The following ACTR3B variants were observed in gnomAD, a reference collection of about 807,000 sequenced individuals.
ACTR3B encodes actin-related protein 3B.
A neutral mutation model predicts 59.0 loss-of-function variants in ACTR3B; 8 were observed. That is an observed-to-expected ratio of 0.14 (90% confidence interval 0.08 to 0.24). ACTR3B has a LOEUF of 0.24. Among genes scored for constraint, ACTR3B ranks in the 10% least tolerant of loss-of-function variants. The probability of loss-of-function intolerance (pLI) is 1.00; values close to 1 mark genes in which losing one functional copy is unlikely to be tolerated. For synonymous variants in ACTR3B, 148 were observed against 197.9 expected, an observed-to-expected ratio of 0.75 and a Z score of 2.12; for missense variants, 245 against 552.3, an observed-to-expected ratio of 0.44 and a Z score of 5.58.
intron 6 of ACTR3B, among the ~76,000 whole-genome samples, chr7:152,819,522 A>C (rs1267770855): frequency 1.3e-5 from 2 of 152,120 alleles, no homozygotes. Flanking sequence ...GTCTGTGCCC[A>C]CAGGAAGGCT....
rs184804947 is a variant in ACTR3B at position 152,788,914 on chromosome 7, T to C, written c.100+5672T>C. ...GGCTCACACCTGTAATCCCAGCTAC[T>C]TGGAAGGCTGAGGCATGAGAATTGC... On this transcript the variant is annotated intron_variant, in intron 2 of 11. Coordinates refer to ENST00000256001, the MANE Select transcript of ACTR3B (RefSeq NM_020445.6). 5.7e-3 allele frequency among the ~76,000 whole-genome samples: 874 copies of C among 152,304 alleles called. 2 individuals carry two copies. The highest frequency in any genetic ancestry group is 8.7e-3 in the Non-Finnish European group (594 of 68,024).
chr7:152,836,728 G>C (rs1295052541), intron 9 of ACTR3B, among the ~76,000 whole-genome samples: 1 of 152,214 alleles, frequency 6.6e-6, no homozygotes, highest in Admixed American at 6.5e-5. Context: ...TCGCTGATGA[G>C]AGCTTTCTTT....
chr7:152,822,931 C>T (rs1796290269), intron 7 of ACTR3B, among the ~76,000 whole-genome samples: 1 of 152,200 alleles, frequency 6.6e-6, no homozygotes, highest in African/African-American at 2.4e-5. Context: ...GACAGTGCCG[C>T]ACTCGGTAGT....
chr7:152,807,236 T>C (rs950484330), intron 4 of ACTR3B, among the ~76,000 whole-genome samples: 1 of 152,240 alleles, frequency 6.6e-6, no homozygotes, highest in Admixed American at 6.5e-5. Context: ...TTGGAAGATA[T>C]CTATGGGACT....
In ACTR3B at chr7:152,824,253, C is replaced by T. The variant is rs866037103; in HGVS notation, c.858+738C>T. On this transcript the variant is annotated intron_variant, in intron 8 of 11. Coordinates refer to ENST00000256001, the MANE Select transcript of ACTR3B (RefSeq NM_020445.6). The surrounding 1 kb of genome is among the most constrained non-coding windows in gnomAD (Gnocchi z 4.2). The stretch of plus-strand genomic sequence containing the variant: ...GAGAAACAGCATAGAATGTGTTCCT[C>T]GCTAGTAATCTGAATAATAAAATAA... 1.3e-5 allele frequency among the ~76,000 whole-genome samples: 2 copies of T among 152,114 alleles called. No individual in the cohort carries two copies. The highest frequency in any genetic ancestry group is 2.4e-5 in the African/African-American group (1 of 41,406).
intron 2 of ACTR3B, among the ~76,000 whole-genome samples, chr7:152,786,095 C>T (rs1433145660): frequency 4.4e-5 from 1 of 22,832 alleles, no homozygotes; most frequent in African/African-American, 2.0e-4. Flanking sequence ...CAGCTTCAGG[C>T]GGAGAATGTG....
Position 152,814,612 on chromosome 7 carries a change from A to G in ACTR3B, c.399A>G (p.Ser133=). ...REYLAEIMFE[S]FNVPGLYIAV... ...ATCTTGCAGAAATTATGTTTGAATC[A>G]TTTAACGTACCAGGACTCTACATTG... Residue 133 remains serine, a synonymous_variant, in exon 5 of 12, where the codon TCA becomes TCG. Coordinates refer to ENST00000256001, the MANE Select transcript of ACTR3B (RefSeq NM_020445.6). 1.2e-6 allele frequency: 2 copies of G among 1,613,868 alleles called. No individual in the cohort carries two copies. The highest frequency in any genetic ancestry group is 8.5e-7 in the Non-Finnish European group (1 of 1,179,782).
rs190556561 is a variant in ACTR3B at position 152,796,925 on chromosome 7, C to T, written c.101-3606C>T. On this transcript the variant is annotated intron_variant, in intron 2 of 11. Coordinates refer to ENST00000256001, the MANE Select transcript of ACTR3B (RefSeq NM_020445.6). Reference sequence around the variant, plus strand: ...TAGAGACGGGTTTTCACCGTGTTGCCGAGACTGATCTCAAACTCCCAGACT... The same window carrying T: ...TAGAGACGGGTTTTCACCGTGTTGCTGAGACTGATCTCAAACTCCCAGACT... Among the ~76,000 whole-genome samples the T allele has an allele frequency of 1.8e-3, 208 of 113,260 alleles. 1 individual carries two copies. The highest frequency in any genetic ancestry group is 1.7e-3 in the Non-Finnish European group (105 of 60,684). The allele number at this position is 113,260 out of a possible 152,430, so 74.3% of individuals were successfully genotyped here.
chr7:152,854,315 C>G lies in ACTR3B; in HGVS notation c.1162-143C>G. 1 of 700,938 alleles carries G rather than the reference C, an allele frequency of 1.4e-6. No homozygotes were observed. The highest frequency in any genetic ancestry group is 1.7e-5 in the South Asian group (1 of 58,804). 43.4% of individuals were successfully genotyped at this position (700,938 alleles called of 1,614,324 possible). A position where few individuals can be genotyped will look rare whatever the true frequency, so the allele number is the denominator to read the frequency against. On this transcript the variant is annotated intron_variant, in intron 11 of 11. Coordinates refer to ENST00000256001, the MANE Select transcript of ACTR3B (RefSeq NM_020445.6). The surrounding 1 kb of genome is among the most constrained non-coding windows in gnomAD (Gnocchi z 4.9). Reference sequence around the variant, plus strand: ...CTCCCCATTTAGTAGTTTAGTACATCAGAGAGGTAAAATCTTGCAGCAGCG... The same window carrying G: ...CTCCCCATTTAGTAGTTTAGTACATGAGAGAGGTAAAATCTTGCAGCAGCG...
chr7:152,790,201 T>C (rs1226926159), intron 2 of ACTR3B, among the ~76,000 whole-genome samples: 2 of 152,252 alleles, frequency 1.3e-5, no homozygotes, highest in African/African-American at 4.8e-5. Context: ...TTATATTGCC[T>C]GTCCTGGTCT....
intron 1 of ACTR3B, among the ~76,000 whole-genome samples, chr7:152,763,192 T>G (rs1323823463): frequency 2.0e-5 from 3 of 151,516 alleles, no homozygotes; most frequent in Non-Finnish European, 4.4e-5. Context: ...GGTGCGTGCC[T>G]GTAGTCCCAG....
At chr7:152,771,470 T>G (rs528367838) in intron 1 of ACTR3B, among the ~76,000 whole-genome samples, 1 of 152,314 alleles carries the variant, frequency 6.6e-6, no homozygotes, top group African/African-American at 2.4e-5. Flanking sequence ...CCAGTGGTTC[T>G]GAAATCACTG....
rs1590377352 is a variant in ACTR3B, at chr7:152,825,013, A to G, written c.859-17A>G. 6.2e-7 allele frequency: 1 copy of G among 1,609,712 alleles called. No individual in the cohort carries two copies. The highest frequency in any genetic ancestry group is 8.5e-7 in the Non-Finnish European group (1 of 1,178,192). ...GAGAAATGTGTAATGTTTCTTTTAT[A>G]TTGATACACAATTCAGTTTGCCAAC... On this transcript the variant is annotated splice_polypyrimidine_tract_variant and intron_variant, in intron 8 of 11. Coordinates refer to ENST00000256001, the MANE Select transcript of ACTR3B (RefSeq NM_020445.6).
intron 9 of ACTR3B, among the ~76,000 whole-genome samples, chr7:152,849,964 T>TCCC (rs1302732499): frequency 6.6e-6 from 1 of 152,120 alleles, no homozygotes; most frequent in African/African-American, 2.4e-5. Context: ...GAAGGCCAGA[T>TCCC]CACTGGTCAC....
rs1796064337 is a variant in ACTR3B at position 152,820,547 on chromosome 7, C to T, written c.684+105C>T. 21 of 1,475,294 alleles carry T rather than the reference C, an allele frequency of 1.4e-5. No individual in the cohort carries two copies. The South Asian group carries it at 2.8e-4, about 19-fold the overall frequency. The allele number at this position is 1,475,294 out of a possible 1,614,324, so 91.4% of individuals were successfully genotyped here. ...CTGCTCCTCCTTTCCTTCCTCTCCC[C>T]TTCCCATGAATGTGGGGCTTGATTT... is the stretch of plus-strand genomic sequence containing the variant. On this transcript the variant is annotated intron_variant, in intron 7 of 11. Coordinates refer to ENST00000256001, the MANE Select transcript of ACTR3B (RefSeq NM_020445.6).
At chr7:152,815,204 T>C (rs1245006234) in intron 5 of ACTR3B, among the ~76,000 whole-genome samples, 1 of 152,134 alleles carries the variant, frequency 6.6e-6, no homozygotes, top group Admixed American at 6.5e-5. Context: ...GTTTTCTGCA[T>C]AATACTAGTC....
Position 152,784,363 on chromosome 7 carries a change from T to C in ACTR3B, c.100+1121T>C, listed in dbSNP as rs1397136056. On this transcript the variant is annotated intron_variant, in intron 2 of 11. Transcript: ENST00000256001. Reference sequence around the variant, plus strand: ...TGATTAGTGCTTATTCGGGGAGGGCTAAAGCTCTATTTGGTGAATGTGGGT... The same window carrying C: ...TGATTAGTGCTTATTCGGGGAGGGCCAAAGCTCTATTTGGTGAATGTGGGT... 3.9e-5 allele frequency among the ~76,000 whole-genome samples: 6 copies of C among 152,326 alleles called. No homozygotes were observed. In the East Asian group the frequency reaches 9.7e-4, roughly 25 times the overall value.
intron 9 of ACTR3B, among the ~76,000 whole-genome samples, chr7:152,836,591 A>G (rs1341392142): frequency 6.6e-6 from 1 of 152,152 alleles, no homozygotes; most frequent in Non-Finnish European, 1.5e-5. Flanking sequence ...TATTTCAAAA[A>G]AAAAAAAAGG....
chr7:152,844,067 T>C (rs189626098), intron 9 of ACTR3B, among the ~76,000 whole-genome samples: 2 of 152,300 alleles, frequency 1.3e-5, no homozygotes, highest in African/African-American at 4.8e-5. Flanking sequence ...ATTAAAAAAT[T>C]ATTTATTTTT....
Sources: allele counts gnomAD v4.1 joint callset (sites outside exome capture counted in the v4.1 genomes callset), GRCh38; gene constraint gnomAD v4.1.1; non-coding constraint Gnocchi (gnomAD v3.1); transcripts MANE v1.5; gene names NCBI Gene and HGNC (gene_info 2026-07-23, HGNC 2026-07-21).